Variants in KDM4B observed in about 807,000 individuals in gnomAD.
The protein encoded by KDM4B is lysine demethylase 4B.
Under a neutral mutation model 125.2 loss-of-function variants are expected in KDM4B, and 32 were observed. The observed-to-expected ratio is 0.26, with a 90% CI of 0.19 to 0.34. The LOEUF (loss-of-function observed/expected upper bound fraction) is 0.34. Ranked by LOEUF, KDM4B falls within the 10% of genes least tolerant of loss-of-function variation. KDM4B has a pLI of 1.00. For synonymous variants in KDM4B, 721 were observed against 677.9 expected, an observed-to-expected ratio of 1.06 and a Z score of -0.99; for missense variants, 1,190 against 1,577.7, an observed-to-expected ratio of 0.75 and a Z score of 4.16.
In KDM4B at chr19:4,997,731, T is replaced by C. The variant is rs1387148496; in HGVS notation, c.-108-18526T>C. 1.3e-5 allele frequency among the ~76,000 whole-genome samples: 2 copies of C among 152,348 alleles called. No homozygotes were observed. The highest frequency in any genetic ancestry group is 3.9e-4 in the East Asian group (2 of 5,180). On this transcript the variant is annotated intron_variant, in intron 1 of 22. Coordinates refer to ENST00000159111, the MANE Select transcript of KDM4B (RefSeq NM_015015.3). This position sits in a 1 kb window ranked among gnomAD's most constrained non-coding sequence, Gnocchi z 4.2. ...CATGCCAGGCACTCAGAGTCATGCCTGCATGGGGGCTCCAGGACCTCGTCA... is the reference window on the plus strand; with the variant it reads ...CATGCCAGGCACTCAGAGTCATGCCCGCATGGGGGCTCCAGGACCTCGTCA...
At chr19:5,003,256 AG>A (rs1480640041) in intron 1 of KDM4B, among the ~76,000 whole-genome samples, 1 of 151,964 alleles carries the variant, frequency 6.6e-6, no homozygotes, top group African/African-American at 2.4e-5. Context: ...CTTTGGGCCC[AG>A]GCGGGCGGAT....
At chr19:5,098,588 G>C (rs2038872506) in intron 9 of KDM4B, among the ~76,000 whole-genome samples, 1 of 152,158 alleles carries the variant, frequency 6.6e-6, no homozygotes, top group East Asian at 1.9e-4. Context: ...AGGTGCCATG[G>C]ACTGAAGGTC....
chr19:5,089,619 A>T (rs1019331427), intron 9 of KDM4B, among the ~76,000 whole-genome samples: 7 of 151,590 alleles, frequency 4.6e-5, no homozygotes, highest in African/African-American at 1.7e-4. Context: ...GTATTGGTTG[A>T]TATTAGTTTG....
intron 2 of KDM4B, among the ~76,000 whole-genome samples, chr19:5,029,835 A>G (rs1365656564): frequency 2.0e-5 from 3 of 152,218 alleles, no homozygotes; most frequent in Non-Finnish European, 2.9e-5. Flanking sequence ...TCAAAAAACA[A>G]TAGTTTCTTA....
chr19:5,070,287 G>A (rs943585969), intron 6 of KDM4B, among the ~76,000 whole-genome samples: 27 of 152,112 alleles, frequency 1.8e-4, no homozygotes, highest in African/African-American at 6.0e-4. Flanking sequence ...TCAAGGCTGC[G>A]GCTCCTGGTG....
At chr19:5,089,823 G>A (rs2038630951) in intron 9 of KDM4B, among the ~76,000 whole-genome samples, 2 of 152,002 alleles carry the variant, frequency 1.3e-5, no homozygotes, top group Admixed American at 1.3e-4. Context: ...TTCCCAAGTG[G>A]AAAAGGTTTT....
At chr19:5,093,219 A>G (rs1386523562) in intron 9 of KDM4B, among the ~76,000 whole-genome samples, 4 of 152,140 alleles carry the variant, frequency 2.6e-5, no homozygotes, top group African/African-American at 9.7e-5. Flanking sequence ...CCTGCTTGTC[A>G]TGTCCCTGCA....
intron 11 of KDM4B, among the ~76,000 whole-genome samples, chr19:5,130,092 C>T (rs112236124): frequency 6.6e-6 from 1 of 152,294 alleles, no homozygotes; most frequent in Admixed American, 6.5e-5. Flanking sequence ...CCTTCACAGG[C>T]ACAGCGCAGC....
At chr19:5,147,898 T>C (rs1351188631) in intron 21 of KDM4B, among the ~76,000 whole-genome samples, 2 of 152,106 alleles carry the variant, frequency 1.3e-5, no homozygotes, top group African/African-American at 2.4e-5. Flanking sequence ...CACACAATCA[T>C]GCAAACGCCC....
intron 7 of KDM4B, among the ~76,000 whole-genome samples, chr19:5,072,028 G>A (rs1282377394): frequency 1.3e-5 from 2 of 152,248 alleles, no homozygotes; most frequent in African/African-American, 4.8e-5. Flanking sequence ...CGAGCACCCC[G>A]CCCTTCAAGG....
rs904654392 is a variant in KDM4B at position 5,115,578 on chromosome 19, A to G, written c.1116-4075A>G. The stretch of plus-strand genomic sequence containing the variant: ...ACGGCTTGGCACCGTGCACAGAGGG[A>G]TCAACGGCCAGGGGACCCGACACAT... On this transcript the variant is annotated intron_variant, in intron 10 of 22. Coordinates refer to ENST00000159111, the MANE Select transcript of KDM4B (RefSeq NM_015015.3). The surrounding 1 kb of genome is among the most constrained non-coding windows in gnomAD (Gnocchi z 4.2). Among the ~76,000 whole-genome samples, 2 of 152,222 alleles carry G rather than the reference A, an allele frequency of 1.3e-5. No individual in the cohort carries two copies. The highest frequency in any genetic ancestry group is 6.5e-5 in the Admixed American group (1 of 15,288).
chr19:5,025,110 G>T (rs1399930152), intron 2 of KDM4B, among the ~76,000 whole-genome samples: 4 of 152,252 alleles, frequency 2.6e-5, no homozygotes, highest in African/African-American at 9.6e-5. Context: ...TGTTGTTAGA[G>T]ATTTTGAGAG....
intron 1 of KDM4B, among the ~76,000 whole-genome samples, chr19:5,013,128 G>A (rs534831259): frequency 4.6e-5 from 7 of 152,330 alleles, no homozygotes; most frequent in African/African-American, 1.2e-4. Context: ...AGAAGGACCC[G>A]TGGTCTTGGT....
intron 1 of KDM4B, among the ~76,000 whole-genome samples, chr19:4,998,584 G>T (rs1305128335): frequency 6.6e-6 from 1 of 152,054 alleles, no homozygotes; most frequent in East Asian, 1.9e-4. Flanking sequence ...AGGAATTTTT[G>T]TATCAAGTTA....
rs1250055948 is a variant in KDM4B, at chr19:5,081,354, G to A, written c.781-1013G>A. On this transcript the variant is annotated intron_variant, in intron 8 of 22. Transcript: ENST00000159111. The surrounding 1 kb of genome is among the most constrained non-coding windows in gnomAD (Gnocchi z 4.2). ...GTCGTCTTTCAAAGGCTTTATCAAC[G>A]GGCTTAGCAGTGAGCAGGGAGTGGG... Among the ~76,000 whole-genome samples the A allele has an allele frequency of 1.3e-5, 2 of 152,244 alleles. No individual in the cohort carries two copies. Among genetic ancestry groups the A allele is most frequent in the Admixed American group, 6.5e-5 (1 of 15,294 alleles).
chr19:4,975,967 T>C (rs565905438), intron 1 of KDM4B, among the ~76,000 whole-genome samples: 1 of 145,700 alleles, frequency 6.9e-6, no homozygotes, highest in East Asian at 2.3e-4. Context: ...AAATGGGGCA[T>C]GGCCGGGTGC....
At chr19:5,103,406 C>T (rs1024098786) in intron 9 of KDM4B, among the ~76,000 whole-genome samples, 12 of 152,334 alleles carry the variant, frequency 7.9e-5, no homozygotes, top group East Asian at 7.7e-4. Flanking sequence ...CCAGCAGCCC[C>T]GCCCGCTTTC....
intron 2 of KDM4B, among the ~76,000 whole-genome samples, chr19:5,019,428 T>G: frequency 7.9e-6 from 1 of 126,840 alleles, no homozygotes; most frequent in Admixed American, 8.1e-5. Flanking sequence ...GTGTGGACGT[T>G]GGTGTGCGGG....
rs187747339 is a variant in KDM4B, at chr19:5,004,845, C to T, written c.-108-11412C>T. Among the ~76,000 whole-genome samples the T allele has an allele frequency of 1.1e-3, 174 of 152,250 alleles. 1 individual carries two copies. Among genetic ancestry groups the T allele is most frequent in the African/African-American group, 4.0e-3 (168 of 41,540 alleles). ...TGTCCAGGCAGCCCTCAGATTACAG[C>T]CCCCAGCCTGACCCCAGAGACATGC... On this transcript the variant is annotated intron_variant, in intron 1 of 22. Transcript: ENST00000159111.
Sources: gnomAD v4.1 joint callset for allele counts (sites outside exome capture counted in the v4.1 genomes callset) on GRCh38, gnomAD v4.1.1 for gene constraint, Gnocchi (gnomAD v3.1) non-coding constraint, MANE v1.5 for transcripts, NCBI Gene and HGNC (gene_info 2026-07-23, HGNC 2026-07-21) for gene names.